RIMS1: variants seen among roughly 807,000 people sequenced by gnomAD.
The protein encoded by RIMS1 is regulating synaptic membrane exocytosis protein 1.
A neutral mutation model predicts 214.1 loss-of-function variants in RIMS1; 83 were observed. The observed-to-expected ratio is 0.39, with a 90% CI of 0.32 to 0.47. The LOEUF (loss-of-function observed/expected upper bound fraction) is 0.47, where lower values mean the gene tolerates loss of function less well. Among genes scored for constraint, RIMS1 ranks in the 20% least tolerant of loss-of-function variants. RIMS1 has a pLI of 0.99. For missense variants in RIMS1, 2,050 were observed against 2,161.8 expected (o/e 0.95, Z 1.03); for synonymous variants, 793 against 786.8 (o/e 1.01, Z -0.13).
intron 2 of RIMS1, among the ~76,000 whole-genome samples, chr6:72,020,281 G>A (rs905039027): frequency 8.5e-5 from 13 of 152,184 alleles, no homozygotes; most frequent in Admixed American, 8.5e-4. Context: ...ATAATAAGGT[G>A]TCTGCATTGC....
intron 6 of RIMS1, chr6:72,217,148 G>A (rs2056460233): frequency 1.3e-6 from 2 of 1,534,310 alleles, no homozygotes; most frequent in Non-Finnish European, 1.7e-6. Context: ...TTAATGATTT[G>A]ATGCCAGTGG....
intron 4 of RIMS1, among the ~76,000 whole-genome samples, chr6:72,133,115 T>C (rs2153855333): frequency 6.6e-6 from 1 of 152,164 alleles, no homozygotes; most frequent in South Asian, 2.1e-4. Context: ...AGCAAAAAGG[T>C]AATGTGGAAT....
rs888595376 is a variant in RIMS1, at chr6:72,245,929, C to T, written c.2128+68C>T. On this transcript the variant is annotated intron_variant, in intron 11 of 33. Coordinates refer to ENST00000521978, the MANE Select transcript of RIMS1 (RefSeq NM_014989.7). ...ATTGAAAGTAAAGATTTCTAATTTTCTTTAGTTATTTGATATAATGAATTG... is the reference window on the plus strand; with the variant it reads ...ATTGAAAGTAAAGATTTCTAATTTTTTTTAGTTATTTGATATAATGAATTG... 3.4e-6 allele frequency: 4 copies of T among 1,163,534 alleles called. No homozygotes were observed. The East Asian group carries it at 1.0e-4, about 29-fold the overall frequency. The allele number at this position is 1,163,534 out of a possible 1,614,324, so 72.1% of individuals were successfully genotyped here. A position where few individuals can be genotyped will look rare whatever the true frequency, so the allele number is the denominator to read the frequency against.
chr6:72,261,932 A>G, intron 19 of RIMS1: 1 of 984,518 alleles, frequency 1.0e-6, no homozygotes, highest in Non-Finnish European at 1.2e-6. Flanking sequence ...AGCATGAACT[A>G]TCCAGGTTTA....
chr6:71,929,410 A>T (rs1782436848), intron 1 of RIMS1, among the ~76,000 whole-genome samples: 1 of 152,172 alleles, frequency 6.6e-6, no homozygotes, highest in Admixed American at 6.6e-5. Context: ...AGAACAAAGT[A>T]CATTTTATTT....
At chr6:72,210,069 C>T (rs567922078) in intron 6 of RIMS1, among the ~76,000 whole-genome samples, 1 of 152,054 alleles carries the variant, frequency 6.6e-6, no homozygotes, top group African/African-American at 2.4e-5. Flanking sequence ...TCACAGATAT[C>T]CCAGTGACAG....
At chr6:72,271,248 A>G (rs1391247674) in intron 22 of RIMS1, among the ~76,000 whole-genome samples, 4 of 142,430 alleles carry the variant, frequency 2.8e-5, no homozygotes, top group Non-Finnish European at 6.0e-5. Flanking sequence ...CCTGGGTGAC[A>G]GAGCAAGACT....
chr6:72,219,257 A>G (rs1434199347), intron 6 of RIMS1, among the ~76,000 whole-genome samples: 1 of 152,196 alleles, frequency 6.6e-6, no homozygotes, highest in Non-Finnish European at 1.5e-5. Context: ...ATTATTTGAT[A>G]CTATGATAAT....
At chr6:72,339,068 A>G (rs1280874875) in intron 29 of RIMS1, among the ~76,000 whole-genome samples, 1 of 151,816 alleles carries the variant, frequency 6.6e-6, no homozygotes, top group Non-Finnish European at 1.5e-5. Flanking sequence ...CAAATCACAT[A>G]TAAATATTTC....
In RIMS1 at chr6:72,258,986, G is replaced by T. The variant is rs751364116; in HGVS notation, c.2928G>T (p.Arg976Ser). 1 of 1,612,444 alleles carries T rather than the reference G, an allele frequency of 6.2e-7. No individual in the cohort carries two copies. ...RSRLPNVPLQ[R>S]SLDEIHPTRR... is the part of the protein sequence containing the mutation. The stretch of plus-strand genomic sequence containing the variant: ...CATAAGAATTTTGTAATCATTTTAG[G>T]AGTTTAGATGAAATTCATCCAACAA... The change falls in exon 18 of 34, where the codon AGG (arginine) becomes AGT (serine). Residue 976 changes from arginine to serine, a missense_variant and splice_region_variant. Arg to Ser is a moderately radical substitution (Grantham distance 110, BLOSUM62 -1). Coordinates refer to ENST00000521978, the MANE Select transcript of RIMS1 (RefSeq NM_014989.7).
intron 26 of RIMS1, among the ~76,000 whole-genome samples, chr6:72,298,969 T>C (rs1171185468): frequency 2.0e-5 from 3 of 152,002 alleles, no homozygotes; most frequent in African/African-American, 7.2e-5. Context: ...CTCCCTCTTT[T>C]ATGTTGAAAG....
At chr6:72,324,074 A>AGATAGAT (rs1463457998) in intron 28 of RIMS1, among the ~76,000 whole-genome samples, 1 of 151,886 alleles carries the variant, frequency 6.6e-6, no homozygotes, top group African/African-American at 2.4e-5. Context: ...ATAGATAGAT[A>AGATAGAT]GATAGAGAAC....
intron 1 of RIMS1, among the ~76,000 whole-genome samples, chr6:71,892,681 A>AT (rs1389043479): frequency 1.3e-5 from 2 of 152,104 alleles, no homozygotes; most frequent in Admixed American, 1.3e-4. Context: ...TCTGAATTTT[A>AT]TTTATTAAAT....
chr6:72,213,299 A>G, intron 6 of RIMS1: 3 of 1,261,950 alleles, frequency 2.4e-6, no homozygotes, highest in South Asian at 3.2e-5. Context: ...CTCCCTCTGT[A>G]TCTATTTTCC....
At chr6:71,906,910 T>C (rs937582927) in intron 1 of RIMS1, among the ~76,000 whole-genome samples, 10 of 152,192 alleles carry the variant, frequency 6.6e-5, no homozygotes, top group Admixed American at 6.5e-4. Flanking sequence ...CAAATAGTAC[T>C]ACACACTCAG....
chr6:72,324,164 G>A lies in RIMS1; in HGVS notation c.4131-9436G>A, dbSNP rs553578912. Among the ~76,000 whole-genome samples, 10 of 151,928 alleles carry A rather than the reference G, an allele frequency of 6.6e-5. No individual in the cohort carries two copies. In the East Asian group the frequency reaches 1.9e-3, roughly 29 times the overall value. On this transcript the variant is annotated intron_variant, in intron 28 of 33. Coordinates refer to ENST00000521978, the MANE Select transcript of RIMS1 (RefSeq NM_014989.7). ...ATGTTGAAGAAAAGTATCTCCAGTT[G>A]GAAGCACTAGCCTTGAGGAAGAATG...
chr6:71,916,050 G>A (rs1263063788), intron 1 of RIMS1, among the ~76,000 whole-genome samples: 1 of 152,058 alleles, frequency 6.6e-6, no homozygotes, highest in Non-Finnish European at 1.5e-5. Flanking sequence ...AATTGTGGGA[G>A]CTACAATTCA....
At chr6:72,359,493 A>G (rs545739135) in intron 29 of RIMS1, among the ~76,000 whole-genome samples, 2 of 151,936 alleles carry the variant, frequency 1.3e-5, no homozygotes, top group East Asian at 1.9e-4. Flanking sequence ...TTTTTCTTTA[A>G]TCCAGAGACT....
intron 29 of RIMS1, among the ~76,000 whole-genome samples, chr6:72,374,327 T>G (rs1334132925): frequency 6.6e-6 from 1 of 152,218 alleles, no homozygotes; most frequent in African/African-American, 2.4e-5. Context: ...TGTTTTGTTA[T>G]TTAGTACCTA....
Sources: gnomAD v4.1 joint callset for allele counts (sites outside exome capture counted in the v4.1 genomes callset) on GRCh38, gnomAD v4.1.1 for gene constraint, MANE v1.5 for transcripts, NCBI Gene and HGNC (gene_info 2026-07-23, HGNC 2026-07-21) for gene names.